The following IRF7 variants were observed in gnomAD, a reference collection of about 807,000 sequenced individuals.
IRF7 encodes the protein interferon regulatory factor-7H.
Under a neutral mutation model 51.3 loss-of-function variants are expected in IRF7, and 67 were observed. That is an observed-to-expected ratio of 1.31 (90% CI 1.07 to 1.60). The LOEUF is 1.60. IRF7 is among the 40% of genes most tolerant of loss of function. The probability of loss-of-function intolerance (pLI) is 0.00; values close to 1 mark genes in which losing one functional copy is unlikely to be tolerated. For synonymous variants in IRF7, 427 were observed against 301.3 expected (o/e 1.42, Z -4.32); for missense variants, 873 against 701.5 (o/e 1.24, Z -2.76).
At chr11:614,558 TA>T (rs1226570294) in intron 4 of IRF7, 24 bp from the exon 5 acceptor site, 2 of 1,550,400 alleles carry the variant, frequency 1.3e-6, no homozygotes, top group African/African-American at 2.7e-5. Context: ...GGGCAGGCGT[TA>T]GGCCCCGACA....
chr11:615,380 G>T lies in IRF7; in HGVS notation c.-16C>A, dbSNP rs756971652. ...CCAAGGCCATTGCTCCTTCTGCAGG[G>T]GCAGTTAGGTGGCGGTCAGGTGTTA... On this transcript the variant is annotated 5_prime_UTR_variant, in exon 2 of 11. Transcript: ENST00000525445. 6.7e-7 allele frequency: 1 copy of T among 1,493,302 alleles called. No homozygotes were observed. The highest frequency in any genetic ancestry group is 8.9e-7 in the Non-Finnish European group (1 of 1,127,396). The allele number at this position is 1,493,302 out of a possible 1,614,324, so 92.5% of individuals were successfully genotyped here.
In IRF7 at chr11:613,947, T is replaced by C; in HGVS notation, c.766+4A>G. 1.2e-6 allele frequency: 2 copies of C among 1,605,674 alleles called. No homozygotes were observed. The highest frequency in any genetic ancestry group is 1.7e-6 in the Non-Finnish European group (2 of 1,177,526). On this transcript the variant is annotated splice_donor_region_variant and intron_variant, in intron 7 of 10. Transcript: ENST00000525445. The stretch of plus-strand genomic sequence containing the variant: ...CCAGGCCTCCCAACCCCTACCCCTC[T>C]CACCTGTCGTTAGTGCCGCGGGCTG...
rs1234985086 is a variant in IRF7, at chr11:613,041, C to G, written c.1314G>C (p.Leu438=). The G allele has an allele frequency of 3.1e-6, 5 of 1,613,016 alleles. No individual in the cohort carries two copies. In the African/African-American group the frequency reaches 6.7e-5, roughly 22 times the overall value. The part of the protein sequence containing the change: ...YTIYLGFGQD[L]SAGRPKEKSL... Reference sequence around the variant, plus strand: ...TCTTCTCCTTGGGCCTCCCAGCTGACAGGTCCTGCCCGAAGCCCAGGTAGA... The same window carrying G: ...TCTTCTCCTTGGGCCTCCCAGCTGAGAGGTCCTGCCCGAAGCCCAGGTAGA... Residue 438 remains leucine, a synonymous_variant, in exon 10 of 11, where the codon CTG becomes CTC. Coordinates refer to ENST00000525445, the MANE Select transcript of IRF7 (RefSeq NM_001572.5).
chr11:615,768 C>CCCGCCT (rs3832720), intron 1 of IRF7, 121 bp from the exon 2 acceptor site: 89,550 of 196,964 alleles, frequency 0.45, 23,260 homozygotes, highest in East Asian at 0.68. Flanking sequence ...TCCGCGGAAC[C>CCCGCCT]CCGCCTCCGC....
chr11:612,918 C>G, intron 10 of IRF7, 81 bp downstream of exon 10: 3 of 1,581,888 alleles, frequency 1.9e-6, no homozygotes, highest in South Asian at 1.1e-5. Flanking sequence ...TCCCCTCCCC[C>G]TCTCCGAGGC....
chr11:612,582 G>A lies in IRF7; in HGVS notation c.*63C>T. Reference sequence around the variant, plus strand: ...TTCTGGAGTTCTTTTTATTAGACTGGGCGGCCGCGGCCAGCTCTAGGTGGG... The same window carrying A: ...TTCTGGAGTTCTTTTTATTAGACTGAGCGGCCGCGGCCAGCTCTAGGTGGG... On this transcript the variant is annotated 3_prime_UTR_variant, in exon 11 of 11. Coordinates refer to ENST00000525445, the MANE Select transcript of IRF7 (RefSeq NM_001572.5). 1 of 1,583,148 alleles carries A rather than the reference G, an allele frequency of 6.3e-7. No individual in the cohort carries two copies. The highest frequency in any genetic ancestry group is 8.6e-7 in the Non-Finnish European group (1 of 1,160,758).
In IRF7 at chr11:614,844, G is replaced by A; in HGVS notation, c.347C>T (p.Ala116Val). 6.4e-7 allele frequency: 1 copy of A among 1,562,766 alleles called. No homozygotes were observed. Residue 116 changes from alanine (A) to valine (V), a missense_variant, in exon 4 of 11, where the codon GCC (alanine) becomes GTC (valine). Transcript: ENST00000525445. ...VMLRDNSGDP[A>V]DPHKVYALSR... ...GAGCGCGTACACCTTGTGCGGGTCG[G>A]CCGGGTCCCCCGAGTTATCCCGCAG... is the stretch of plus-strand genomic sequence containing the variant.
At chr11:613,703 TG>T in intron 8 of IRF7, 81 bp downstream of exon 8, 1 of 923,270 alleles carries the variant, frequency 1.1e-6, no homozygotes. Flanking sequence ...GGGGACAGGA[TG>T]TGAGTGATGG....
At chr11:614,582 A>G in intron 4 of IRF7, 48 bp from the exon 5 acceptor site, 1 of 1,543,698 alleles carries the variant, frequency 6.5e-7, no homozygotes, top group Non-Finnish European at 8.8e-7. Context: ...AGAGTGAGAG[A>G]TACAAGGAGA....
At chr11:614,672 C>T (rs1856714141) in intron 4 of IRF7, 125 bp downstream of exon 4, 2 of 1,384,510 alleles carry the variant, frequency 1.4e-6, no homozygotes, top group Non-Finnish European at 2.0e-6. Flanking sequence ...GGCTCTCCAC[C>T]TGTCCTGGGC....
At chr11:613,618 G>T in intron 8 of IRF7, 23 bp from the exon 9 acceptor site, 2 of 1,479,706 alleles carry the variant, frequency 1.4e-6, no homozygotes, top group Non-Finnish European at 9.0e-7. Flanking sequence ...CAAGCTGTGA[G>T]TGACGGGGGT....
At chr11:614,116 G>A (rs1856662989) in intron 6 of IRF7, 58 bp downstream of exon 6, 1 of 1,581,350 alleles carries the variant, frequency 6.3e-7, no homozygotes, top group East Asian at 2.3e-5. Context: ...CTTCTAAAGT[G>A]TCCGTCCAGG....
In IRF7 at chr11:615,015, G is replaced by T. The variant is rs1281975905; in HGVS notation, c.184-8C>A. 8 of 1,546,060 alleles carry T rather than the reference G, an allele frequency of 5.2e-6. No individual in the cohort carries two copies. The highest frequency in any genetic ancestry group is 7.0e-6 in the Non-Finnish European group (8 of 1,151,036). ...GCGGGCCACAGCCCAGGCCTGAAGA[G>T]GGGGACAGAACACGTGTGCCGGGCC... On this transcript the variant is annotated splice_polypyrimidine_tract_variant and splice_region_variant and intron_variant, in intron 3 of 10. Coordinates refer to ENST00000525445, the MANE Select transcript of IRF7 (RefSeq NM_001572.5).
In IRF7 at chr11:614,362, G is replaced by T. The variant is rs1202170753; in HGVS notation, c.491C>A (p.Ala164Asp). The T allele has an allele frequency of 1.2e-6, 2 of 1,609,406 alleles. No homozygotes were observed. The highest frequency in any genetic ancestry group is 1.7e-6 in the Non-Finnish European group (2 of 1,178,848). Residue 164 changes from alanine to aspartate, a missense_variant, in exon 6 of 11, where the codon GCT (alanine) becomes GAT (aspartate). Ala to Asp is a moderately radical substitution (Grantham distance 126). Coordinates refer to ENST00000525445, the MANE Select transcript of IRF7 (RefSeq NM_001572.5). ...GAGGGGGCCTGGGGCTTGGAGTCCA[G>T]CATGTGTGTGTGCCAGGAATGGCCC... ...PPGPFLAHTH[A>D]GLQAPGPLPA... is the part of the protein sequence containing the mutation.
Position 612,616 on chromosome 11 carries a change from G to A in IRF7, c.*29C>T. 1 of 1,609,770 alleles carries A rather than the reference G, an allele frequency of 6.2e-7. No homozygotes were observed. Among genetic ancestry groups the A allele is most frequent in the Non-Finnish European group, 8.5e-7 (1 of 1,178,654 alleles). ...GGCCAGCTCTAGGTGGGCTGCTCCA[G>A]CTTTCTGGAGTTCTCATTAGACTGG... On this transcript the variant is annotated 3_prime_UTR_variant, in exon 11 of 11. Transcript: ENST00000525445.
At position 613,023 on chromosome 11, in the gene IRF7, C is replaced by T. The variant is rs148420621; in HGVS notation, c.1332G>A (p.Lys444=). The part of the protein sequence containing the change: ...FGQDLSAGRP[K]EKSLVLVKLE... ...CCTTCACCAGGACCAGGCTCTTCTC[C>T]TTGGGCCTCCCAGCTGACAGGTCCT... The change falls in exon 10 of 11, where the codon AAG becomes AAA. Residue 444 remains lysine (K), a synonymous_variant. Coordinates refer to ENST00000525445, the MANE Select transcript of IRF7 (RefSeq NM_001572.5). The T allele has an allele frequency of 5.0e-6, 8 of 1,613,168 alleles. No individual in the cohort carries two copies. Among genetic ancestry groups the T allele is most frequent in the East Asian group, 2.2e-5 (1 of 44,888 alleles).
Position 614,302 on chromosome 11 carries a change from A to G in IRF7, c.551T>C (p.Leu184Pro), listed in dbSNP as rs1337321351. ...APAGDKGDLL[L>P]QAVQQSCLAD... ...CAGGCAGCTCTGTTGCACTGCCTGG[A>G]GCAGGAGGTCCCCCTTGTCACCAGC... Residue 184 changes from leucine (L) to proline (P), a missense_variant, in exon 6 of 11, where the codon CTC (leucine) becomes CCC (proline). By Grantham distance (98) the Leu-to-Pro change is moderately conservative. Coordinates refer to ENST00000525445, the MANE Select transcript of IRF7 (RefSeq NM_001572.5). 3 of 1,611,884 alleles carry G rather than the reference A, an allele frequency of 1.9e-6. No homozygotes were observed. Among genetic ancestry groups the G allele is most frequent in the Non-Finnish European group, 2.5e-6 (3 of 1,179,566 alleles).
chr11:613,741 G>T (rs777549885), intron 8 of IRF7, 44 bp downstream of exon 8: 2 of 1,219,924 alleles, frequency 1.6e-6, no homozygotes, highest in Non-Finnish European at 2.2e-6. Flanking sequence ...CGTGAGTGAC[G>T]GGGGTGGGCG....
rs756971652 is a variant in IRF7 at position 615,380 on chromosome 11, G to A, written c.-16C>T. 63 of 1,493,184 alleles carry A rather than the reference G, an allele frequency of 4.2e-5. No homozygotes were observed. The highest frequency in any genetic ancestry group is 7.0e-5 in the African/African-American group (5 of 71,576). The allele number at this position is 1,493,184 out of a possible 1,614,324, so 92.5% of individuals were successfully genotyped here. On this transcript the variant is annotated 5_prime_UTR_variant, in exon 2 of 11. Transcript: ENST00000525445. ...CCAAGGCCATTGCTCCTTCTGCAGGGGCAGTTAGGTGGCGGTCAGGTGTTA... is the reference window on the plus strand; with the variant it reads ...CCAAGGCCATTGCTCCTTCTGCAGGAGCAGTTAGGTGGCGGTCAGGTGTTA...
Sources: allele counts gnomAD v4.1 joint callset, GRCh38; gene constraint gnomAD v4.1.1; transcripts MANE v1.5; gene names NCBI Gene and HGNC (gene_info 2026-07-23, HGNC 2026-07-21).